TBC1D32: variants seen among roughly 807,000 people sequenced by gnomAD.
TBC1D32 encodes protein broad-minded.
TBC1D32 carries 151 observed loss-of-function variants against 170.3 expected under a neutral mutation model. The ratio of observed to expected loss-of-function variants is 0.89; its 90% CI spans 0.78 to 1.01. TBC1D32 has a LOEUF of 1.01. TBC1D32 is among the 50% of genes least tolerant of loss of function. The probability of loss-of-function intolerance (pLI) is 0.00; values close to 1 mark genes in which losing one functional copy is unlikely to be tolerated. For synonymous variants in TBC1D32, 498 were observed against 488.0 expected (o/e 1.02, Z -0.27); for missense variants, 1,464 against 1,457.1 (o/e 1.00, Z -0.08).
At chr6:121,212,376 T>C (rs1462823246) in intron 21 of TBC1D32, among the ~76,000 whole-genome samples, 1 of 151,800 alleles carries the variant, frequency 6.6e-6, no homozygotes, top group Non-Finnish European at 1.5e-5. Context: ...ACCTAACTCA[T>C]TCTATGAGGC....
rs1003963075 is a variant in TBC1D32, at chr6:121,079,579, T to C, written c.*1192A>G. On this transcript the variant is annotated 3_prime_UTR_variant, in exon 32 of 32. Coordinates refer to ENST00000398212, the MANE Select transcript of TBC1D32 (RefSeq NM_152730.6). ...CAGTATCTACAATTAGAAAAACTTA[T>C]TGAAATAAACTCATGACTAAAAATG... 1 of 152,146 alleles carries C rather than the reference T, an allele frequency of 6.6e-6. No individual in the cohort carries two copies. 9.4% of individuals were successfully genotyped at this position (152,146 alleles called of 1,614,324 possible).
intron 24 of TBC1D32, among the ~76,000 whole-genome samples, chr6:121,144,986 T>C (rs181185135): frequency 5.3e-5 from 8 of 152,276 alleles, no homozygotes; most frequent in Admixed American, 2.0e-4. Flanking sequence ...TGCTAGGTAA[T>C]GAGGACTGAG....
chr6:121,220,420 CT>C (rs1794356295), intron 21 of TBC1D32, among the ~76,000 whole-genome samples: 1 of 152,128 alleles, frequency 6.6e-6, no homozygotes, highest in Non-Finnish European at 1.5e-5. Context: ...AGAGAAGGCT[CT>C]AACTCTCTTT....
At chr6:121,223,208 A>C in intron 21 of TBC1D32, 28 bp downstream of exon 21, 1 of 1,369,216 alleles carries the variant, frequency 7.3e-7, no homozygotes, top group East Asian at 2.5e-5. Context: ...CATTTATAAC[A>C]GAGAAAGATT....
chr6:121,087,207 C>T (rs1336850328), intron 31 of TBC1D32, among the ~76,000 whole-genome samples: 1 of 152,138 alleles, frequency 6.6e-6, no homozygotes, highest in Non-Finnish European at 1.5e-5. Flanking sequence ...ATACCCAAGG[C>T]GTTCATCTAA....
At chr6:121,143,687 T>C (rs1783081409) in intron 24 of TBC1D32, among the ~76,000 whole-genome samples, 1 of 152,240 alleles carries the variant, frequency 6.6e-6, no homozygotes, top group Non-Finnish European at 1.5e-5. Context: ...CTCTTGCTGT[T>C]AAAATAACTT....
intron 26 of TBC1D32, among the ~76,000 whole-genome samples, chr6:121,120,452 A>G (rs1336075427): frequency 1.3e-5 from 2 of 152,090 alleles, no homozygotes; most frequent in Non-Finnish European, 2.9e-5. Context: ...AGCTATACGA[A>G]TTGGAGATTA....
intron 1 of TBC1D32, among the ~76,000 whole-genome samples, chr6:121,322,716 T>C (rs1308094847): frequency 4.6e-5 from 7 of 152,204 alleles, no homozygotes; most frequent in African/African-American, 1.2e-4. Context: ...ACAAATCCAT[T>C]TATCTATCAT....
chr6:121,229,947 A>ACC (rs1554278249), intron 20 of TBC1D32, among the ~76,000 whole-genome samples: 1 of 149,282 alleles, frequency 6.7e-6, no homozygotes, highest in African/African-American at 2.5e-5. Context: ...GTTCCCCTTC[A>ACC]CTCTCTCTCT....
intron 21 of TBC1D32, among the ~76,000 whole-genome samples, chr6:121,212,606 C>T (rs1793229599): frequency 6.6e-6 from 1 of 151,926 alleles, no homozygotes; most frequent in South Asian, 2.1e-4. Flanking sequence ...AGGCATGTGC[C>T]ACCACACCTG....
intron 15 of TBC1D32, among the ~76,000 whole-genome samples, chr6:121,266,464 G>A (rs1800498644): frequency 1.3e-5 from 2 of 152,170 alleles, no homozygotes; most frequent in Non-Finnish European, 2.9e-5. Flanking sequence ...TACACTGTTG[G>A]TGGGAATGTA....
intron 21 of TBC1D32, among the ~76,000 whole-genome samples, chr6:121,215,227 T>A (rs1019407194): frequency 1.3e-5 from 2 of 152,216 alleles, no homozygotes; most frequent in African/African-American, 2.4e-5. Flanking sequence ...CTCACTCCAG[T>A]CTGCAGAATT....
At chr6:121,299,540 G>A in intron 9 of TBC1D32, 35 bp from the exon 10 acceptor site, 1 of 1,471,110 alleles carries the variant, frequency 6.8e-7, no homozygotes, top group Non-Finnish European at 9.2e-7. Context: ...TAATACTCAA[G>A]CTGTGCCACT....
intron 15 of TBC1D32, among the ~76,000 whole-genome samples, chr6:121,266,910 G>A (rs528239527): frequency 3.3e-5 from 5 of 151,820 alleles, no homozygotes; most frequent in Admixed American, 6.6e-5. Flanking sequence ...AGGGCCTGTC[G>A]GTGGGGAAGG....
rs140647803 is a variant in TBC1D32 at position 121,327,125 on chromosome 6, T to C, written c.156-5331A>G. On this transcript the variant is annotated intron_variant, in intron 1 of 31. Coordinates refer to ENST00000398212, the MANE Select transcript of TBC1D32 (RefSeq NM_152730.6). Reference sequence around the variant, plus strand: ...CAACAGACACCAGGACTCCAAAAGATGGGAGACAGGGAGGGAGCAAGAGTT... The same window carrying C: ...CAACAGACACCAGGACTCCAAAAGACGGGAGACAGGGAGGGAGCAAGAGTT... 4.9e-4 allele frequency among the ~76,000 whole-genome samples: 68 copies of C among 138,112 alleles called. No individual in the cohort carries two copies. In the East Asian group the frequency reaches 8.1e-3, roughly 16 times the overall value. 90.6% of individuals were successfully genotyped at this position (138,112 alleles called of 152,430 possible). A position where few individuals can be genotyped will look rare whatever the true frequency, so the allele number is the denominator to read the frequency against.
intron 12 of TBC1D32, 46 bp from the exon 13 acceptor site, chr6:121,283,956 T>C: frequency 7.2e-7 from 1 of 1,386,048 alleles, no homozygotes; most frequent in Non-Finnish European, 1.0e-6. Context: ...GCATATTCTT[T>C]CAACTTAAGA....
At chr6:121,152,163 T>TG (rs1217836090) in intron 24 of TBC1D32, among the ~76,000 whole-genome samples, 3 of 152,230 alleles carry the variant, frequency 2.0e-5, no homozygotes, top group Non-Finnish European at 4.4e-5. Context: ...CAATATTTAG[T>TG]GCTTTCTTCA....
intron 3 of TBC1D32, among the ~76,000 whole-genome samples, chr6:121,314,313 G>A (rs961180968): frequency 6.6e-6 from 1 of 152,138 alleles, no homozygotes; most frequent in Non-Finnish European, 1.5e-5. Context: ...TGGATAACTC[G>A]AGATCATCCT....
At chr6:121,303,504 AAC>A (rs1178000832) in intron 9 of TBC1D32, 111 bp downstream of exon 9, 23 of 871,174 alleles carry the variant, frequency 2.6e-5, no homozygotes, top group Non-Finnish European at 3.4e-5. Context: ...TAAATGAGCT[AAC>A]ACATGTAAAA....
Sources: gnomAD v4.1 joint callset for allele counts (sites outside exome capture counted in the v4.1 genomes callset) on GRCh38, gnomAD v4.1.1 for gene constraint, MANE v1.5 for transcripts, NCBI Gene and HGNC (gene_info 2026-07-23, HGNC 2026-07-21) for gene names.